The following ANKHD1 variants were observed in gnomAD, a reference collection of about 807,000 sequenced individuals.
The protein encoded by ANKHD1 is ankyrin repeat and KH domain-containing protein 1.
A neutral mutation model predicts 230.5 loss-of-function variants in ANKHD1; 31 were observed. That is an observed-to-expected ratio of 0.13 (90% CI 0.10 to 0.18). The LOEUF is 0.18. ANKHD1 is among the 10% of genes least tolerant of loss of function. The probability of loss-of-function intolerance (pLI) is 1.00; values close to 1 mark genes in which losing one functional copy is unlikely to be tolerated. For synonymous variants in ANKHD1, 1,074 were observed against 1,117.6 expected (o/e 0.96, Z 0.78); for missense variants, 2,256 against 3,071.3 (o/e 0.73, Z 6.27).
At chr5:140,445,653 T>A in intron 5 of ANKHD1, 89 bp from the exon 6 acceptor site, 1 of 1,184,924 alleles carries the variant, frequency 8.4e-7, no homozygotes, top group South Asian at 2.9e-5. Context: ...TCTGTCATGA[T>A]TGTATATTTC....
At chr5:140,448,509 T>C (rs1774459642) in intron 6 of ANKHD1, among the ~76,000 whole-genome samples, 1 of 152,172 alleles carries the variant, frequency 6.6e-6, no homozygotes, top group African/African-American at 2.4e-5. Context: ...CCAACAATGT[T>C]TGAGAGTGCC....
chr5:140,475,211 T>C (rs556213480), intron 10 of ANKHD1, among the ~76,000 whole-genome samples: 1 of 152,234 alleles, frequency 6.6e-6, no homozygotes, highest in South Asian at 2.1e-4. Flanking sequence ...AAAATGAATC[T>C]AAAAATATGT....
At chr5:140,428,791 T>A (rs1349855120) in intron 1 of ANKHD1, among the ~76,000 whole-genome samples, 3 of 152,112 alleles carry the variant, frequency 2.0e-5, no homozygotes, top group Non-Finnish European at 2.9e-5. Context: ...TTTTTATTTT[T>A]ATTTTTATTG....
rs751723859 is a variant in ANKHD1, at chr5:140,402,241, G to T, written c.274G>T (p.Ala92Ser). 6.6e-7 allele frequency: 1 copy of T among 1,509,082 alleles called. No homozygotes were observed. The highest frequency in any genetic ancestry group is 8.8e-7 in the Non-Finnish European group (1 of 1,134,658). 93.5% of individuals were successfully genotyped at this position (1,509,082 alleles called of 1,614,324 possible). Reference sequence around the variant, plus strand: ...GCTGAGGACCGGGGGTGGAGGTGGTGCCTCTGGCAGTGACGAGGACGAAGT... The same window carrying T: ...GCTGAGGACCGGGGGTGGAGGTGGTTCCTCTGGCAGTGACGAGGACGAAGT... ...AVLRTGGGGG[A>S]SGSDEDEVSE... The change falls in exon 1 of 34, where the codon GCC (alanine) becomes TCC (serine). Residue 92 changes from alanine to serine, a missense_variant. Ala to Ser is a moderately conservative substitution (Grantham distance 99). Coordinates refer to ENST00000360839, the MANE Select transcript of ANKHD1 (RefSeq NM_017747.3).
At chr5:140,439,992 T>A (rs1040138105) in intron 3 of ANKHD1, 127 bp from the exon 4 acceptor site, 1 of 1,185,214 alleles carries the variant, frequency 8.4e-7, no homozygotes, top group African/African-American at 1.6e-5. Context: ...AAGTAATATG[T>A]TCATATAATT....
intron 14 of ANKHD1, among the ~76,000 whole-genome samples, chr5:140,493,926 T>A (rs566388348): frequency 2.8e-4 from 43 of 152,340 alleles, no homozygotes; most frequent in Admixed American, 8.5e-4. Flanking sequence ...AATCTGTGAA[T>A]GTCCAGTGGG....
intron 1 of ANKHD1, among the ~76,000 whole-genome samples, chr5:140,404,443 T>A (rs1770246453): frequency 6.6e-6 from 1 of 151,942 alleles, no homozygotes; most frequent in South Asian, 2.1e-4. Flanking sequence ...TTTTTTTTGT[T>A]TTTTTTGAGA....
Position 140,512,600 on chromosome 5 carries a change from T to C in ANKHD1, c.4105-228T>C, listed in dbSNP as rs1431058771. On this transcript the variant is annotated intron_variant, in intron 22 of 33. Transcript: ENST00000360839. ...CATTCCTGAGCACACATTCTTGTCT[T>C]TTATGCCTTTCTTTTTATAAGCTGA... Among the ~76,000 whole-genome samples the C allele has an allele frequency of 9.9e-5, 15 of 152,174 alleles. 1 individual carries two copies. Among genetic ancestry groups the C allele is most frequent in the Admixed American group, 9.8e-4 (15 of 15,280 alleles).
intron 32 of ANKHD1, among the ~76,000 whole-genome samples, chr5:140,538,572 T>C (rs975946123): frequency 1.8e-4 from 28 of 152,366 alleles, no homozygotes; most frequent in Non-Finnish European, 3.4e-4. Flanking sequence ...CTCTGACAGC[T>C]TTATGTCGGC....
chr5:140,417,240 A>G (rs1049223034), intron 1 of ANKHD1, among the ~76,000 whole-genome samples: 4 of 152,026 alleles, frequency 2.6e-5, no homozygotes, highest in East Asian at 1.9e-4. Context: ...TATCCTTTAT[A>G]TGATTAGATA....
chr5:140,445,570 T>C (rs1427582138), intron 5 of ANKHD1, among the ~76,000 whole-genome samples, 172 bp from the exon 6 acceptor site: 3 of 152,134 alleles, frequency 2.0e-5, no homozygotes, highest in Admixed American at 1.3e-4. Context: ...GTTGAGATAA[T>C]AGTTGTAGTG....
At chr5:140,419,798 CTTTCTTTCTT>C (rs1453038314) in intron 1 of ANKHD1, among the ~76,000 whole-genome samples, 1 of 84,584 alleles carries the variant, frequency 1.2e-5, no homozygotes, top group Non-Finnish European at 2.8e-5. Context: ...TTCTTTCTTT[CTTTCTTTCTT>C]TCTTTCTTTC....
chr5:140,513,873 C>A (rs943856058), intron 24 of ANKHD1, among the ~76,000 whole-genome samples: 1 of 150,584 alleles, frequency 6.6e-6, no homozygotes, highest in African/African-American at 2.4e-5. Flanking sequence ...GTAATCCCAG[C>A]ACTTTGGGAG....
intron 7 of ANKHD1, among the ~76,000 whole-genome samples, chr5:140,457,442 T>G (rs1468198177): frequency 6.6e-6 from 1 of 152,148 alleles, no homozygotes; most frequent in Non-Finnish European, 1.5e-5. Context: ...TAGCAAAGAC[T>G]TGGAACCAAG....
intron 1 of ANKHD1, among the ~76,000 whole-genome samples, chr5:140,411,845 T>C (rs1770952750): frequency 6.6e-6 from 1 of 151,214 alleles, no homozygotes; most frequent in Non-Finnish European, 1.5e-5. Context: ...TTTTTTTTTT[T>C]TGAGACAGGG....
chr5:140,416,122 C>G (rs1474042999), intron 1 of ANKHD1, among the ~76,000 whole-genome samples: 2 of 152,130 alleles, frequency 1.3e-5, no homozygotes, highest in African/African-American at 4.8e-5. Flanking sequence ...CAAACTCATC[C>G]TTTCTTATGG....
chr5:140,520,564 T>C (rs1753288536), intron 24 of ANKHD1, among the ~76,000 whole-genome samples: 1 of 151,514 alleles, frequency 6.6e-6, no homozygotes, highest in African/African-American at 2.4e-5. Context: ...ATTAAGAAAA[T>C]GTGGCACATA....
rs989153005 is a variant in ANKHD1, at chr5:140,528,892, T to C, written c.5946T>C (p.Thr1982=). 2 of 1,614,106 alleles carry C rather than the reference T, an allele frequency of 1.2e-6. No homozygotes were observed. The highest frequency in any genetic ancestry group is 2.7e-5 in the African/African-American group (2 of 74,958). ...PATVISSVTS[T]CSSLPSVSSA... ...CAGTGATTTCTTCTGTGACAAGCAC[T>C]TGTAGTTCCCTGCCTTCTGTCTCCT... The change falls in exon 29 of 34, where the codon ACT becomes ACC. Residue 1982 remains threonine (T), a synonymous_variant. Transcript: ENST00000360839.
At chr5:140,519,147 G>C (rs183324600) in intron 24 of ANKHD1, among the ~76,000 whole-genome samples, 27,271 of 151,604 alleles carry the variant, frequency 0.18, 3,133 homozygotes, top group East Asian at 0.29. Context: ...CAACAACAGA[G>C]AGCCAAATCA....
Sources: gnomAD v4.1 joint callset for allele counts (sites outside exome capture counted in the v4.1 genomes callset) on GRCh38, gnomAD v4.1.1 for gene constraint, MANE v1.5 for transcripts, NCBI Gene and HGNC (gene_info 2026-07-23, HGNC 2026-07-21) for gene names.